CSMD1: variants seen among roughly 807,000 people sequenced by gnomAD.
CSMD1 encodes the protein CUB and sushi domain-containing protein 1.
A neutral mutation model predicts 417.5 loss-of-function variants in CSMD1; 213 were observed. The observed-to-expected ratio is 0.51, with a 90% CI of 0.46 to 0.57. The LOEUF (loss-of-function observed/expected upper bound fraction) is 0.57. CSMD1 is among the 20% of genes least tolerant of loss of function. CSMD1 has a pLI of 0.00. For synonymous variants in CSMD1, 2,862 were observed against 1,736.8 expected (o/e 1.65, Z -16.11); for missense variants, 6,923 against 4,529.7 (o/e 1.53, Z -15.17).
chr8:3,975,865 T>G (rs2130128337), intron 5 of CSMD1, among the ~76,000 whole-genome samples: 1 of 152,368 alleles, frequency 6.6e-6, no homozygotes, highest in African/African-American at 2.4e-5. Flanking sequence ...TCCTTCATTT[T>G]TCCACAAATA....
intron 7 of CSMD1, among the ~76,000 whole-genome samples, chr8:3,618,457 C>G (rs1057357711): frequency 4.6e-5 from 7 of 150,788 alleles, no homozygotes; most frequent in South Asian, 2.1e-4. Flanking sequence ...ATTTTTATTT[C>G]TTTTTTAAAA....
chr8:4,342,854 T>C (rs930483329), intron 3 of CSMD1, among the ~76,000 whole-genome samples: 2 of 152,004 alleles, frequency 1.3e-5, no homozygotes, highest in Non-Finnish European at 2.9e-5. Context: ...TCACCCTAGA[T>C]ACACCAAAGG....
chr8:3,457,393 CAA>C (rs1337677658), intron 12 of CSMD1, among the ~76,000 whole-genome samples: 2 of 152,204 alleles, frequency 1.3e-5, no homozygotes, highest in Non-Finnish European at 2.9e-5. Context: ...TCAGATGGCA[CAA>C]ACTTTCTTTC....
At chr8:3,868,401 G>A (rs1228574797) in intron 5 of CSMD1, among the ~76,000 whole-genome samples, 2 of 152,068 alleles carry the variant, frequency 1.3e-5, no homozygotes, top group African/African-American at 2.4e-5. Flanking sequence ...CTGCTGTGCA[G>A]ATGGTCCACA....
intron 3 of CSMD1, among the ~76,000 whole-genome samples, chr8:4,268,528 T>G: frequency 6.6e-6 from 1 of 152,246 alleles, no homozygotes; most frequent in Non-Finnish European, 1.5e-5. Flanking sequence ...GTCAAAATGA[T>G]TTTTTAAATT....
intron 2 of CSMD1, among the ~76,000 whole-genome samples, chr8:4,455,408 T>A (rs1293684178): frequency 6.6e-6 from 1 of 152,078 alleles, no homozygotes; most frequent in African/African-American, 2.4e-5. Flanking sequence ...ACAGCTGTCA[T>A]GTGTATCATT....
At chr8:3,787,207 C>T (rs550827424) in intron 5 of CSMD1, among the ~76,000 whole-genome samples, 41 of 152,058 alleles carry the variant, frequency 2.7e-4, no homozygotes, top group Non-Finnish European at 2.4e-4. Context: ...ATTTTGTATT[C>T]CTATGCTGAG....
rs1361957511 is a variant in CSMD1, at chr8:3,110,340, A to C, written c.6431-5T>G. 3 of 1,590,622 alleles carry C rather than the reference A, an allele frequency of 1.9e-6. No homozygotes were observed. The highest frequency in any genetic ancestry group is 2.6e-6 in the Non-Finnish European group (3 of 1,169,138). On this transcript the variant is annotated splice_polypyrimidine_tract_variant and splice_region_variant and intron_variant, in intron 42 of 69. Transcript: ENST00000635120. ...TTACGTTGTACCCACAAGGGGCTGC[A>C]AAGGAAACCAAGAAAAAACAAGCGC...
intron 12 of CSMD1, among the ~76,000 whole-genome samples, chr8:3,415,275 C>T (rs1813057144): frequency 1.3e-5 from 2 of 152,122 alleles, no homozygotes; most frequent in Non-Finnish European, 2.9e-5. Context: ...AACACCTATA[C>T]TCTTAGCAAT....
In CSMD1 at chr8:4,266,289, T is replaced by G. The variant is rs527447620; in HGVS notation, c.415+153664A>C. Among the ~76,000 whole-genome samples, 71 of 105,560 alleles carry G rather than the reference T, an allele frequency of 6.7e-4. 11 individuals are homozygous for G. Among genetic ancestry groups the G allele is most frequent in the African/African-American group, 1.8e-3 (70 of 38,636 alleles). 69.3% of individuals were successfully genotyped at this position (105,560 alleles called of 152,430 possible). On this transcript the variant is annotated intron_variant, in intron 3 of 69. Transcript: ENST00000635120. ...CAAAGAAAATTTTATAAATTTTTGT[T>G]TTCTATGTAAGAGAAACTGTCCAGG...
intron 5 of CSMD1, among the ~76,000 whole-genome samples, chr8:3,962,833 G>C (rs887876547): frequency 6.6e-6 from 1 of 152,138 alleles, no homozygotes; most frequent in Non-Finnish European, 1.5e-5. Flanking sequence ...CATTTTACAT[G>C]TTGTGATAAA....
At chr8:3,705,995 C>T (rs1056073470) in intron 7 of CSMD1, among the ~76,000 whole-genome samples, 5 of 152,222 alleles carry the variant, frequency 3.3e-5, no homozygotes, top group Admixed American at 6.5e-5. Flanking sequence ...CAGTCTCCTA[C>T]AGATGGTAAA....
chr8:3,902,386 T>G (rs796291703), intron 5 of CSMD1, among the ~76,000 whole-genome samples: 17 of 152,288 alleles, frequency 1.1e-4, no homozygotes, highest in African/African-American at 4.1e-4. Context: ...TGAGGCAAAT[T>G]GTTGGATCTT....
At chr8:4,230,958 T>TA (rs1200837263) in intron 3 of CSMD1, among the ~76,000 whole-genome samples, 1 of 152,156 alleles carries the variant, frequency 6.6e-6, no homozygotes, top group Non-Finnish European at 1.5e-5. Flanking sequence ...AACATGTGCT[T>TA]AGATTATTTC....
chr8:3,224,662 T>C (rs996372805), intron 27 of CSMD1, among the ~76,000 whole-genome samples: 4 of 152,218 alleles, frequency 2.6e-5, no homozygotes, highest in African/African-American at 4.8e-5. Context: ...TAATAACAAA[T>C]TTAGTTTGTG....
chr8:3,529,006 C>G (rs1160276246), intron 10 of CSMD1, among the ~76,000 whole-genome samples: 3 of 152,078 alleles, frequency 2.0e-5, no homozygotes, highest in African/African-American at 7.2e-5. Context: ...TTCAGAAGCC[C>G]AAAATATTAT....
chr8:3,619,346 A>T (rs967747721), intron 7 of CSMD1, among the ~76,000 whole-genome samples: 3 of 151,672 alleles, frequency 2.0e-5, no homozygotes, highest in African/African-American at 7.3e-5. Context: ...TTCTGCAAAC[A>T]TGGAGCACGG....
chr8:4,928,454 C>T (rs1007305760), intron 1 of CSMD1, among the ~76,000 whole-genome samples: 1 of 152,138 alleles, frequency 6.6e-6, no homozygotes, highest in South Asian at 2.1e-4. Context: ...TCCAAGTGCA[C>T]CATAGGGGCT....
intron 2 of CSMD1, among the ~76,000 whole-genome samples, chr8:4,443,183 A>G (rs1219112026): frequency 2.0e-5 from 3 of 152,212 alleles, no homozygotes; most frequent in Non-Finnish European, 2.9e-5. Flanking sequence ...TTACAGTGAT[A>G]TATTACTGAG....
Sources: allele counts gnomAD v4.1 joint callset (sites outside exome capture counted in the v4.1 genomes callset), GRCh38; gene constraint gnomAD v4.1.1; transcripts MANE v1.5; gene names NCBI Gene and HGNC (gene_info 2026-07-23, HGNC 2026-07-21).